ANO4: variants seen among roughly 807,000 people sequenced by gnomAD.
ANO4 encodes the protein anoctamin 4.
In ANO4, 69 loss-of-function variants were observed where a neutral mutation model predicts 141.9. That is an observed-to-expected ratio of 0.49 (90% CI 0.40 to 0.59). ANO4 has a LOEUF of 0.59. Ranked by LOEUF, ANO4 falls within the 20% of genes least tolerant of loss-of-function variation. The probability of loss-of-function intolerance (pLI) is 0.00; values close to 1 mark genes in which losing one functional copy is unlikely to be tolerated. For synonymous variants in ANO4, 350 were observed against 394.3 expected (o/e 0.89, Z 1.33); for missense variants, 894 against 1,162.2 (o/e 0.77, Z 3.36).
In ANO4 at chr12:101,067,014, A is replaced by AAG; in HGVS notation, c.1313-12178_1313-12177insGA. ...AAGTATAACAAAAAAAAAAAAAAAA[A>AAG]AAAGAAAGAACAGACCATGCTGGGC... is the stretch of plus-strand genomic sequence containing the variant. On this transcript the variant is annotated intron_variant, in intron 14 of 27. Transcript: ENST00000392977. The AAG allele has an allele frequency of 5.2e-6, 3 of 580,334 alleles. No homozygotes were observed. In the African/African-American group the frequency reaches 5.9e-5, roughly 11 times the overall value. 35.9% of individuals were successfully genotyped at this position (580,334 alleles called of 1,614,324 possible).
chr12:100,724,824 T>C (rs1485310171), intron 1 of ANO4, among the ~76,000 whole-genome samples: 4 of 152,226 alleles, frequency 2.6e-5, no homozygotes, highest in Admixed American at 1.3e-4. Flanking sequence ...TCTTGAATAT[T>C]AACTTACACA....
intron 3 of ANO4, among the ~76,000 whole-genome samples, chr12:100,780,195 C>G (rs995628528): frequency 5.3e-5 from 8 of 152,006 alleles, no homozygotes; most frequent in African/African-American, 1.9e-4. Context: ...TTTAAAATTT[C>G]TTAGACAGAT....
At chr12:100,859,111 T>C (rs1027226970) in intron 1 of ANO4, 2 of 152,182 alleles carry the variant, frequency 1.3e-5, no homozygotes, top group Non-Finnish European at 2.9e-5. Flanking sequence ...TTCACAAGTA[T>C]ATGGCTCCCT....
intron 8 of ANO4, among the ~76,000 whole-genome samples, chr12:100,998,675 G>A (rs1342210793): frequency 6.6e-6 from 1 of 152,060 alleles, no homozygotes; most frequent in Admixed American, 6.6e-5. Context: ...AGGCCTACAG[G>A]CTGCCCATCA....
intron 15 of ANO4, among the ~76,000 whole-genome samples, chr12:101,081,700 C>G (rs982081500): frequency 6.6e-6 from 1 of 152,208 alleles, no homozygotes; most frequent in Admixed American, 6.5e-5. Flanking sequence ...AACTTACATG[C>G]TCACAGTTCT....
chr12:100,821,666 A>G (rs1044689762), intron 1 of ANO4, among the ~76,000 whole-genome samples: 2 of 151,888 alleles, frequency 1.3e-5, no homozygotes, highest in Non-Finnish European at 2.9e-5. Context: ...CAGGATATAT[A>G]GGTCCACCTC....
chr12:101,009,180 G>T (rs1181600186), intron 8 of ANO4, among the ~76,000 whole-genome samples: 1 of 152,160 alleles, frequency 6.6e-6, no homozygotes, highest in South Asian at 2.1e-4. Context: ...AAGTTATTAG[G>T]ATGGGCCCTA....
At chr12:101,019,258 C>T (rs1279322167) in intron 8 of ANO4, among the ~76,000 whole-genome samples, 8 of 151,730 alleles carry the variant, frequency 5.3e-5, no homozygotes, top group South Asian at 4.2e-4. Flanking sequence ...TTTTTGCATT[C>T]GTAAAAAGGG....
At chr12:100,989,010 C>A (rs2044911762) in intron 8 of ANO4, among the ~76,000 whole-genome samples, 1 of 151,828 alleles carries the variant, frequency 6.6e-6, no homozygotes, top group Non-Finnish European at 1.5e-5. Context: ...CTCTGCAGGG[C>A]AAAGGGGAAA....
At chr12:100,772,386 C>T (rs748108265) in intron 3 of ANO4, among the ~76,000 whole-genome samples, 20 of 152,182 alleles carry the variant, frequency 1.3e-4, no homozygotes, top group Non-Finnish European at 2.6e-4. Flanking sequence ...TTAAATGCCT[C>T]TACTGCTTCT....
At chr12:101,092,710 C>T (rs1314222009) in intron 17 of ANO4, among the ~76,000 whole-genome samples, 2 of 152,140 alleles carry the variant, frequency 1.3e-5, no homozygotes, top group Non-Finnish European at 2.9e-5. Context: ...TATGTTGACT[C>T]TTATGTTGTT....
At chr12:100,918,877 A>G (rs2041473744) in intron 2 of ANO4, among the ~76,000 whole-genome samples, 1 of 152,150 alleles carries the variant, frequency 6.6e-6, no homozygotes, top group South Asian at 2.1e-4. Context: ...GAGAGCATTT[A>G]TATCATGGGA....
At chr12:100,868,880 TTTTG>T (rs991819329) in intron 1 of ANO4, among the ~76,000 whole-genome samples, 4 of 152,194 alleles carry the variant, frequency 2.6e-5, no homozygotes, top group South Asian at 2.1e-4. Flanking sequence ...AGGCTGATAG[TTTTG>T]TTTGTTTGTT....
intron 7 of ANO4, among the ~76,000 whole-genome samples, chr12:100,982,580 ATCAC>A (rs1233965856): frequency 2.0e-5 from 3 of 152,218 alleles, no homozygotes; most frequent in African/African-American, 7.2e-5. Flanking sequence ...CCTAGAAACT[ATCAC>A]TCAATCGAGC....
chr12:101,082,266 G>A (rs2049314259), intron 15 of ANO4, among the ~76,000 whole-genome samples: 1 of 152,172 alleles, frequency 6.6e-6, no homozygotes, highest in African/African-American at 2.4e-5. Flanking sequence ...CTGCCACCAT[G>A]TAAGATGTGT....
intron 26 of ANO4, among the ~76,000 whole-genome samples, chr12:101,124,097 G>C (rs901974591): frequency 2.6e-5 from 4 of 152,138 alleles, no homozygotes; most frequent in African/African-American, 9.7e-5. Flanking sequence ...GTGTAAAAGT[G>C]TTCCTTTTTC....
chr12:100,723,503 A>G (rs2030960148), intron 1 of ANO4, among the ~76,000 whole-genome samples: 1 of 152,182 alleles, frequency 6.6e-6, no homozygotes, highest in African/African-American at 2.4e-5. Flanking sequence ...GCCCATCCTC[A>G]TGAACAAGAA....
chr12:100,958,683 CA>C (rs368995289), intron 5 of ANO4, among the ~76,000 whole-genome samples: 1 of 151,868 alleles, frequency 6.6e-6, no homozygotes, highest in Non-Finnish European at 1.5e-5. Flanking sequence ...CTTGTCTCTA[CA>C]AAAAATGCAA....
chr12:100,891,625 T>TA (rs1396929247), intron 1 of ANO4, among the ~76,000 whole-genome samples: 1 of 152,152 alleles, frequency 6.6e-6, no homozygotes, highest in African/African-American at 2.4e-5. Flanking sequence ...TTTATGTACT[T>TA]ATTTTCAATT....
Sources: allele counts gnomAD v4.1 joint callset (sites outside exome capture counted in the v4.1 genomes callset), GRCh38; gene constraint gnomAD v4.1.1; transcripts MANE v1.5; gene names NCBI Gene and HGNC (gene_info 2026-07-23, HGNC 2026-07-21).